TSNARE1: variants seen among roughly 807,000 people sequenced by gnomAD.
TSNARE1 encodes t-SNARE domain-containing protein 1.
TSNARE1 carries 49 observed loss-of-function variants against 62.0 expected under a neutral mutation model. The ratio of observed to expected loss-of-function variants is 0.79; its 90% confidence interval spans 0.63 to 1.00. The LOEUF is 1.00. Among genes scored for constraint, TSNARE1 ranks in the 50% least tolerant of loss-of-function variants. TSNARE1 has a pLI of 0.00. For missense variants in TSNARE1, 755 were observed against 700.1 expected (o/e 1.08, Z -0.88); for synonymous variants, 328 against 294.4 (o/e 1.11, Z -1.17).
At chr8:142,269,947 G>T in intron 12 of TSNARE1, 2 of 985,446 alleles carry the variant, frequency 2.0e-6, no homozygotes, top group Non-Finnish European at 2.4e-6. Flanking sequence ...CCCTCTCCCT[G>T]CTCTCAGGGA....
chr8:142,215,519 C>T (rs565040374), intron 13 of TSNARE1, among the ~76,000 whole-genome samples: 2 of 152,272 alleles, frequency 1.3e-5, no homozygotes, highest in Non-Finnish European at 2.9e-5. Flanking sequence ...CCACCACCAC[C>T]CCTCAGCCTC....
At chr8:142,399,443 C>T (rs1235352022) in intron 1 of TSNARE1, among the ~76,000 whole-genome samples, 4 of 152,224 alleles carry the variant, frequency 2.6e-5, no homozygotes, top group African/African-American at 4.8e-5. Context: ...GAGTCCACCA[C>T]TGGCGCTGGG....
intron 12 of TSNARE1, among the ~76,000 whole-genome samples, chr8:142,246,730 G>A (rs929503146): frequency 2.0e-5 from 3 of 152,178 alleles, no homozygotes; most frequent in African/African-American, 7.2e-5. Context: ...CGCAGACACG[G>A]GAGAACCGTT....
At chr8:142,340,207 C>T (rs1323584106) in intron 4 of TSNARE1, among the ~76,000 whole-genome samples, 1 of 152,200 alleles carries the variant, frequency 6.6e-6, no homozygotes, top group African/African-American at 2.4e-5. Flanking sequence ...GAACACGGGG[C>T]CACATAAGAG....
At chr8:142,263,401 G>A (rs763188602) in intron 12 of TSNARE1, among the ~76,000 whole-genome samples, 2 of 152,304 alleles carry the variant, frequency 1.3e-5, no homozygotes, top group Middle Eastern at 3.4e-3. Context: ...CGAGGATGCC[G>A]TATCTCCAAA....
chr8:142,297,373 A>G (rs1490259170), intron 10 of TSNARE1, among the ~76,000 whole-genome samples: 1 of 152,202 alleles, frequency 6.6e-6, no homozygotes, highest in Non-Finnish European at 1.5e-5. Flanking sequence ...CTACTGTGAT[A>G]CTGCTTCCCC....
At chr8:142,404,916 TC>T (rs1259208098), upstream of TSNARE1, 1 of 152,126 alleles carries the variant, frequency 6.6e-6, no homozygotes, top group Non-Finnish European at 1.5e-5. Flanking sequence ...TGAAGCCCTT[TC>T]CTCCCAGGGC....
Position 142,220,391 on chromosome 8 carries a change from CA to C in TSNARE1, c.*12-8079del, listed in dbSNP as rs1028970564. Among the ~76,000 whole-genome samples, 11 of 152,194 alleles carry C rather than the reference CA, an allele frequency of 7.2e-5. 1 individual carries two copies. Among genetic ancestry groups the C allele is most frequent in the Non-Finnish European group, 2.9e-5 (2 of 68,036 alleles). On this transcript the variant is annotated intron_variant, in intron 13 of 13. Coordinates refer to ENST00000524325, the MANE Select transcript of TSNARE1 (RefSeq NM_145003.5). ...AGATTCTGCCCTCAGCGGTGGTCCT[CA>C]GGGCAAACTCCATCTGCCTGGAGCT...
intron 12 of TSNARE1, among the ~76,000 whole-genome samples, chr8:142,245,178 G>A (rs1292040832): frequency 1.3e-5 from 2 of 152,136 alleles, no homozygotes; most frequent in Non-Finnish European, 1.5e-5. Context: ...TGACAATATC[G>A]AATACAAGAT....
intron 12 of TSNARE1, among the ~76,000 whole-genome samples, chr8:142,255,767 TCAC>T (rs1563781242): frequency 2.7e-5 from 1 of 36,978 alleles, no homozygotes; most frequent in Non-Finnish European, 6.3e-5. Context: ...ACCATCACCA[TCAC>T]CACCACCATC....
At chr8:142,364,546 C>G (rs1250930716) in intron 1 of TSNARE1, among the ~76,000 whole-genome samples, 1 of 152,146 alleles carries the variant, frequency 6.6e-6, no homozygotes, top group Non-Finnish European at 1.5e-5. Context: ...TTCCTAAATA[C>G]CACTCTTCAC....
At position 142,318,634 on chromosome 8, in the gene TSNARE1, C is replaced by T; in HGVS notation, c.894G>A (p.Leu298=). Residue 298 remains leucine, a splice_region_variant and synonymous_variant, in exon 7 of 14, where the codon CTG becomes CTA. Transcript: ENST00000524325. ...PSDTQELRDS[L]HTAQQETNKT... is the part of the protein sequence containing the mutation. ...TGTTGGTCTCCTGCTGTGCCGTGTG[C>T]CTGGGGGCCGAGAAGGAGCCAGGAG... The T allele has an allele frequency of 6.2e-7, 1 of 1,613,524 alleles. No individual in the cohort carries two copies. Among genetic ancestry groups the T allele is most frequent in the Non-Finnish European group, 8.5e-7 (1 of 1,179,958 alleles).
At chr8:142,280,056 G>A (rs996948249) in intron 11 of TSNARE1, 42 of 1,235,938 alleles carry the variant, frequency 3.4e-5, no homozygotes, top group East Asian at 7.4e-5. Flanking sequence ...AGCCCAGCGC[G>A]TTCACTGCCT....
chr8:142,290,766 C>T (rs191464450), intron 10 of TSNARE1, among the ~76,000 whole-genome samples: 97 of 152,382 alleles, frequency 6.4e-4, no homozygotes, highest in Non-Finnish European at 1.2e-3. Flanking sequence ...TGCCTGGGGC[C>T]TTGGAGCCCC....
In TSNARE1 at chr8:142,220,526, C is replaced by T. The variant is rs144705608; in HGVS notation, c.*12-8213G>A. Reference sequence around the variant, plus strand: ...CACACCCTGAGGGCAGGGTCAGGCCCGGGTGGCCTCCAGGTTAGGCCAGGG... The same window carrying T: ...CACACCCTGAGGGCAGGGTCAGGCCTGGGTGGCCTCCAGGTTAGGCCAGGG... On this transcript the variant is annotated intron_variant, in intron 13 of 13. Transcript: ENST00000524325. Among the ~76,000 whole-genome samples the T allele has an allele frequency of 9.3e-3, 1,410 of 152,236 alleles. 17 individuals carry two copies. The highest frequency in any genetic ancestry group is 0.027 in the African/African-American group (1,109 of 41,552).
intron 11 of TSNARE1, chr8:142,276,629 G>A (rs931652915): frequency 7.1e-6 from 7 of 985,368 alleles, no homozygotes; most frequent in South Asian, 4.7e-5. Context: ...TCTCTGCCCC[G>A]TGACCACACG....
At chr8:142,357,979 G>A (rs572209286) in intron 1 of TSNARE1, among the ~76,000 whole-genome samples, 2 of 148,632 alleles carry the variant, frequency 1.3e-5, no homozygotes, top group Non-Finnish European at 3.0e-5. Context: ...TTCAGGACAA[G>A]GGGAGCAGCC....
At chr8:142,362,204 C>G (rs897895937) in intron 1 of TSNARE1, among the ~76,000 whole-genome samples, 2 of 152,216 alleles carry the variant, frequency 1.3e-5, no homozygotes, top group African/African-American at 4.8e-5. Context: ...AAGTGAGCAC[C>G]TTGTCTGGCA....
At chr8:142,267,286 C>T (rs6985428) in intron 12 of TSNARE1, among the ~76,000 whole-genome samples, 6,597 of 152,274 alleles carry the variant, frequency 0.043, 236 homozygotes, top group African/African-American at 0.092. Context: ...GATCTTTTCT[C>T]CAGAACCTTC....
Sources: allele counts gnomAD v4.1 joint callset (sites outside exome capture counted in the v4.1 genomes callset), GRCh38; gene constraint gnomAD v4.1.1; transcripts MANE v1.5; gene names NCBI Gene and HGNC (gene_info 2026-07-23, HGNC 2026-07-21).